TMEM63C: variants seen among roughly 807,000 people sequenced by gnomAD.
The protein encoded by TMEM63C is osmosensitive cation channel TMEM63C.
A neutral mutation model predicts 99.2 loss-of-function variants in TMEM63C; 32 were observed. The observed-to-expected ratio is 0.32, with a 90% CI of 0.24 to 0.43. TMEM63C has a LOEUF of 0.43. Ranked by LOEUF, TMEM63C falls within the 20% of genes least tolerant of loss-of-function variation. The pLI, the probability that TMEM63C is intolerant of heterozygous loss-of-function variation, is 1.00. For missense variants in TMEM63C, 826 were observed against 1,053.0 expected (o/e 0.78, Z 2.98); for synonymous variants, 376 against 397.9 (o/e 0.94, Z 0.66).
intron 1 of TMEM63C, among the ~76,000 whole-genome samples, chr14:77,201,925 G>A (rs1230224424): frequency 6.6e-6 from 1 of 152,166 alleles, no homozygotes. Flanking sequence ...GTGTGATGGG[G>A]ACACTTGAGA....
At chr14:77,182,720 G>C (rs1887935021) in intron 1 of TMEM63C, among the ~76,000 whole-genome samples, 1 of 152,178 alleles carries the variant, frequency 6.6e-6, no homozygotes, top group Non-Finnish European at 1.5e-5. Context: ...AGGGTATCAT[G>C]GGTGTAAGCA....
chr14:77,205,990 C>A (rs1000979032), intron 1 of TMEM63C, among the ~76,000 whole-genome samples: 5 of 152,150 alleles, frequency 3.3e-5, no homozygotes, highest in Admixed American at 1.3e-4. Flanking sequence ...CTGTTGGGGG[C>A]CAGGTGAGAT....
At chr14:77,230,739 C>T (rs1371932251) in intron 6 of TMEM63C, among the ~76,000 whole-genome samples, 1 of 152,170 alleles carries the variant, frequency 6.6e-6, no homozygotes, top group Non-Finnish European at 1.5e-5. Flanking sequence ...CACCACCCCA[C>T]ACCCAGGTCC....
Position 77,240,660 on chromosome 14 carries a change from G to T in TMEM63C, c.1064+52G>T, listed in dbSNP as rs1043064023. 3 of 1,586,264 alleles carry T rather than the reference G, an allele frequency of 1.9e-6. No homozygotes were observed. The African/African-American group carries it at 4.0e-5, about 21-fold the overall frequency. ...AGCCCCAAGCATACTCCTGCTTCTC[G>T]GCACTCTCCTCCCTCTCCACCTCCA... On this transcript the variant is annotated intron_variant, in intron 13 of 23. Coordinates refer to ENST00000298351, the MANE Select transcript of TMEM63C (RefSeq NM_020431.4).
intron 1 of TMEM63C, among the ~76,000 whole-genome samples, chr14:77,204,953 C>T (rs1369487320): frequency 6.6e-6 from 1 of 152,214 alleles, no homozygotes; most frequent in African/African-American, 2.4e-5. Context: ...TACATGATGC[C>T]TGCCTCCCAA....
chr14:77,200,407 C>T (rs2140096637), intron 1 of TMEM63C, among the ~76,000 whole-genome samples: 1 of 152,350 alleles, frequency 6.6e-6, no homozygotes, highest in Non-Finnish European at 1.5e-5. Flanking sequence ...ACAAGCAAAC[C>T]TGTGAATAGA....
At chr14:77,194,699 G>A (rs4903557) in intron 1 of TMEM63C, among the ~76,000 whole-genome samples, 71,954 of 150,834 alleles carry the variant, frequency 0.48, 18,930 homozygotes, top group East Asian at 0.77. Context: ...TCAGCTTCCC[G>A]AGTAGCTGGG....
intron 1 of TMEM63C, among the ~76,000 whole-genome samples, chr14:77,186,801 C>CTGTGTGTCTGTGTGTG (rs1888005423): frequency 2.0e-5 from 3 of 146,484 alleles, no homozygotes; most frequent in East Asian, 2.0e-4. Flanking sequence ...GTGTGTGTGT[C>CTGTGTGTCTGTGTGTG]TGTGTGTGTG....
At chr14:77,192,963 T>C (rs1393284037) in intron 1 of TMEM63C, among the ~76,000 whole-genome samples, 2 of 152,122 alleles carry the variant, frequency 1.3e-5, no homozygotes, top group African/African-American at 4.8e-5. Flanking sequence ...GATTCTCAAA[T>C]GGGAAAGGCT....
At chr14:77,195,537 T>C (rs1210428310) in intron 1 of TMEM63C, among the ~76,000 whole-genome samples, 6 of 152,190 alleles carry the variant, frequency 3.9e-5, no homozygotes, top group South Asian at 2.1e-4. Context: ...TGGGTCAAGG[T>C]AGCGCCCTTC....
At chr14:77,234,547 T>C (rs61993366) in intron 8 of TMEM63C, among the ~76,000 whole-genome samples, 5,765 of 152,268 alleles carry the variant, frequency 0.038, 125 homozygotes, top group Middle Eastern at 0.12. Flanking sequence ...GTAGAGACCA[T>C]GTAGCCTTGC....
intron 23 of TMEM63C, 59 bp from the exon 24 acceptor site, chr14:77,256,467 G>T: frequency 6.4e-7 from 1 of 1,557,320 alleles, no homozygotes; most frequent in Admixed American, 1.7e-5. Context: ...GAGAGGGTGT[G>T]CCCAGGGCCT....
chr14:77,200,718 T>G (rs892946242), intron 1 of TMEM63C, among the ~76,000 whole-genome samples: 1 of 152,244 alleles, frequency 6.6e-6, no homozygotes, highest in Non-Finnish European at 1.5e-5. Flanking sequence ...CCGCTCCCCA[T>G]CTGCCTCTCG....
At position 77,238,753 on chromosome 14, in the gene TMEM63C, C is replaced by T; in HGVS notation, c.711C>T (p.Ile237=). ...VPKDIEDPEL[I]IKHFHEAYPG... ...AGGACATTGAAGACCCAGAACTCATCATTAAGCATTTTCAGTAAGTGGGTT... is the reference window on the plus strand; with the variant it reads ...AGGACATTGAAGACCCAGAACTCATTATTAAGCATTTTCAGTAAGTGGGTT... Residue 237 remains isoleucine, a synonymous_variant, in exon 10 of 24, where the codon ATC becomes ATT. Coordinates refer to ENST00000298351, the MANE Select transcript of TMEM63C (RefSeq NM_020431.4). 1 of 1,613,836 alleles carries T rather than the reference C, an allele frequency of 6.2e-7. No individual in the cohort carries two copies. The highest frequency in any genetic ancestry group is 8.5e-7 in the Non-Finnish European group (1 of 1,179,728).
intron 7 of TMEM63C, among the ~76,000 whole-genome samples, chr14:77,232,073 G>A (rs180761212): frequency 6.6e-6 from 1 of 152,222 alleles, no homozygotes; most frequent in East Asian, 1.9e-4. Context: ...AACCCACTCT[G>A]TTGGACATAA....
In TMEM63C at chr14:77,256,842, C is replaced by T. The variant is rs383459; in HGVS notation, c.*116C>T. On this transcript the variant is annotated 3_prime_UTR_variant, in exon 24 of 24. Transcript: ENST00000298351. ...TACCTCCTGCAGACTTTGAGAAGCC[C>T]ACAGTGGAGACATCCACCACCCCAG... is the stretch of plus-strand genomic sequence containing the variant. 0.23 allele frequency: 218,744 copies of T among 964,644 alleles called. 29,457 individuals are homozygous for T. Among genetic ancestry groups the T allele is most frequent in the East Asian group, 0.62 (23,750 of 38,418 alleles). 59.8% of individuals were successfully genotyped at this position (964,644 alleles called of 1,614,324 possible).
chr14:77,225,605 G>A, intron 6 of TMEM63C, 144 bp downstream of exon 6: 2 of 762,132 alleles, frequency 2.6e-6, no homozygotes, highest in Non-Finnish European at 4.1e-6. Context: ...CATTACCAGT[G>A]AAGGATGCTT....
chr14:77,244,511 C>T, intron 16 of TMEM63C, 56 bp downstream of exon 16: 1 of 1,403,604 alleles, frequency 7.1e-7, no homozygotes, highest in Non-Finnish European at 1.0e-6. Context: ...CTTCCCCTGC[C>T]CTGGCTTCCC....
intron 1 of TMEM63C, among the ~76,000 whole-genome samples, chr14:77,200,074 G>A (rs879761897): frequency 2.6e-5 from 4 of 152,174 alleles, no homozygotes; most frequent in African/African-American, 4.8e-5. Context: ...GCCTCCTTGT[G>A]TCTAACTGAA....
Sources: allele counts gnomAD v4.1 joint callset (sites outside exome capture counted in the v4.1 genomes callset), GRCh38; gene constraint gnomAD v4.1.1; transcripts MANE v1.5; gene names NCBI Gene and HGNC (gene_info 2026-07-23, HGNC 2026-07-21).